TOGARAM1: variants seen among roughly 807,000 people sequenced by gnomAD.
The protein encoded by TOGARAM1 is TOG array regulator of axonemal microtubules protein 1.
A neutral mutation model predicts 166.6 loss-of-function variants in TOGARAM1; 100 were observed. The observed-to-expected ratio is 0.60, with a 90% CI of 0.51 to 0.71. TOGARAM1 has a LOEUF of 0.71. Ranked by LOEUF, TOGARAM1 falls within the 30% of genes least tolerant of loss-of-function variation. The probability of loss-of-function intolerance (pLI) is 0.00; values close to 1 mark genes in which losing one functional copy is unlikely to be tolerated. For missense variants in TOGARAM1, 2,029 were observed against 2,102.7 expected, an observed-to-expected ratio of 0.96 and a Z score of 0.69; for synonymous variants, 758 against 763.8, an observed-to-expected ratio of 0.99 and a Z score of 0.13.
intron 16 of TOGARAM1, among the ~76,000 whole-genome samples, chr14:45,060,188 G>A (rs906237238): frequency 4.7e-5 from 7 of 148,086 alleles, no homozygotes; most frequent in Admixed American, 4.1e-4. Flanking sequence ...AAAGTGCTGG[G>A]ATTACAGGCA....
At chr14:44,985,790 A>G (rs1030832940) in intron 1 of TOGARAM1, among the ~76,000 whole-genome samples, 5 of 152,220 alleles carry the variant, frequency 3.3e-5, no homozygotes, top group African/African-American at 9.7e-5. Context: ...TGGTTATTCT[A>G]TGATGTATAA....
At chr14:45,015,058 C>T (rs138311939) in intron 7 of TOGARAM1, among the ~76,000 whole-genome samples, 1 of 152,170 alleles carries the variant, frequency 6.6e-6, no homozygotes, top group East Asian at 1.9e-4. Context: ...AATCCCAGCA[C>T]TTTGGGAGGC....
At chr14:45,015,423 A>G (rs1042436635) in intron 7 of TOGARAM1, among the ~76,000 whole-genome samples, 1 of 151,504 alleles carries the variant, frequency 6.6e-6, no homozygotes, top group Non-Finnish European at 1.5e-5. Flanking sequence ...AAAATGGACA[A>G]TGACTCAAAT....
At chr14:45,046,442 C>CA (rs1882070490) in intron 13 of TOGARAM1, 103 bp from the exon 14 acceptor site, 1 of 1,105,510 alleles carries the variant, frequency 9.0e-7, no homozygotes, top group East Asian at 3.2e-5. Context: ...TCCCAAAAAA[C>CA]AAAACCAAAA....
intron 7 of TOGARAM1, among the ~76,000 whole-genome samples, chr14:45,020,704 G>A (rs1371747605): frequency 6.6e-6 from 1 of 152,214 alleles, no homozygotes; most frequent in African/African-American, 2.4e-5. Flanking sequence ...ATATTCCTGA[G>A]GGTAGGCAGA....
In TOGARAM1 at chr14:45,071,751, A is replaced by G. The variant is rs368471566; in HGVS notation, c.5009A>G (p.Gln1670Arg). ...CTACAGCCATTTTGCACAAAAGCTCAGTTTTTAAATGGAAAAGCAAAACAG... is the reference window on the plus strand; with the variant it reads ...CTACAGCCATTTTGCACAAAAGCTCGGTTTTTAAATGGAAAAGCAAAACAG... ...LLLQPFCTKA[Q>R]FLNGKAKQDM... The change falls in exon 19 of 20, where the codon CAG (glutamine) becomes CGG (arginine). Residue 1670 changes from glutamine to arginine, a missense_variant. Coordinates refer to ENST00000361462, the MANE Select transcript of TOGARAM1 (RefSeq NM_001308120.2). 1.2e-6 allele frequency: 2 copies of G among 1,612,380 alleles called. No individual in the cohort carries two copies. Among genetic ancestry groups the G allele is most frequent in the East Asian group, 2.2e-5 (1 of 44,808 alleles).
intron 1 of TOGARAM1, among the ~76,000 whole-genome samples, chr14:44,976,726 G>GACCA (rs1359182939): frequency 6.6e-6 from 1 of 152,064 alleles, no homozygotes; most frequent in Non-Finnish European, 1.5e-5. Context: ...TAGTCAATAA[G>GACCA]ACCAGCACAT....
At chr14:45,014,387 A>G (rs762963136) in intron 7 of TOGARAM1, among the ~76,000 whole-genome samples, 1 of 152,164 alleles carries the variant, frequency 6.6e-6, no homozygotes, top group Non-Finnish European at 1.5e-5. Flanking sequence ...CTTTCTGGTT[A>G]GAAATCTGTA....
chr14:44,987,200 A>C (rs915734173), intron 1 of TOGARAM1, among the ~76,000 whole-genome samples: 2 of 151,758 alleles, frequency 1.3e-5, no homozygotes, highest in African/African-American at 4.8e-5. Flanking sequence ...CGGCCTCCCA[A>C]AGTGCTGGGA....
In TOGARAM1 at chr14:45,004,329, C is replaced by T. The variant is rs759371161; in HGVS notation, c.2607C>T (p.Val869=). The T allele has an allele frequency of 6.2e-7, 1 of 1,613,862 alleles. No homozygotes were observed. The highest frequency in any genetic ancestry group is 1.1e-5 in the South Asian group (1 of 91,056). The part of the protein sequence containing the change: ...LSKPSPQKKL[V]SQKSSDPTGR... ...AGCCAAGTCCACAGAAGAAGCTTGT[C>T]AGCCAAAAATCGTCTGATCCTACGG... The change falls in exon 4 of 20, where the codon GTC becomes GTT. Residue 869 remains valine, a synonymous_variant. Coordinates refer to ENST00000361462, the MANE Select transcript of TOGARAM1 (RefSeq NM_001308120.2).
chr14:45,015,344 A>AT (rs1880064606), intron 7 of TOGARAM1, among the ~76,000 whole-genome samples: 1 of 146,948 alleles, frequency 6.8e-6, no homozygotes, highest in African/African-American at 2.6e-5. Context: ...ATAAATAAAT[A>AT]AATAAATATA....
intron 12 of TOGARAM1, 22 bp downstream of exon 12, chr14:45,043,813 G>A: frequency 7.7e-7 from 1 of 1,295,474 alleles, no homozygotes; most frequent in Admixed American, 1.7e-5. Flanking sequence ...TTTCAGATGA[G>A]TTAAGGATTG....
intron 12 of TOGARAM1, 107 bp from the exon 13 acceptor site, chr14:45,044,528 G>A (rs1036382204): frequency 1.2e-5 from 9 of 735,582 alleles, no homozygotes; most frequent in Non-Finnish European, 1.9e-5. Context: ...TCGACAGAGC[G>A]AGACCCTAAC....
chr14:45,019,132 ACCATTTTC>A (rs1469026540), intron 7 of TOGARAM1, among the ~76,000 whole-genome samples: 4 of 152,190 alleles, frequency 2.6e-5, no homozygotes, highest in Non-Finnish European at 5.9e-5. Context: ...TGGTAGCATT[ACCATTTTC>A]CCAGTTATGG....
At chr14:45,057,847 T>TAA in intron 16 of TOGARAM1, among the ~76,000 whole-genome samples, 1 of 152,332 alleles carries the variant, frequency 6.6e-6, no homozygotes, top group Admixed American at 6.5e-5. Flanking sequence ...TGGGACTTAT[T>TAA]ATGTGACCTA....
intron 1 of TOGARAM1, among the ~76,000 whole-genome samples, chr14:44,993,992 C>G (rs1887282277): frequency 6.6e-6 from 1 of 152,190 alleles, no homozygotes; most frequent in Non-Finnish European, 1.5e-5. Context: ...CAGAAGTTGA[C>G]TATAATTGGT....
At chr14:45,010,782 A>T (rs1879741181) in intron 6 of TOGARAM1, among the ~76,000 whole-genome samples, 1 of 152,156 alleles carries the variant, frequency 6.6e-6, no homozygotes, top group African/African-American at 2.4e-5. Flanking sequence ...CTACTACCTG[A>T]TTTAAAGATT....
At chr14:45,051,061 A>G (rs577251974) in intron 14 of TOGARAM1, among the ~76,000 whole-genome samples, 1 of 152,342 alleles carries the variant, frequency 6.6e-6, no homozygotes, top group East Asian at 1.9e-4. Flanking sequence ...AAATATCTCC[A>G]GTATGCACTT....
At chr14:45,016,182 G>A (rs902376512) in intron 7 of TOGARAM1, among the ~76,000 whole-genome samples, 11 of 152,220 alleles carry the variant, frequency 7.2e-5, no homozygotes, top group Admixed American at 7.2e-4. Context: ...GATCACTTGA[G>A]CTCAGGGGTT....
Sources: gnomAD v4.1 joint callset for allele counts (sites outside exome capture counted in the v4.1 genomes callset) on GRCh38, gnomAD v4.1.1 for gene constraint, MANE v1.5 for transcripts, NCBI Gene and HGNC (gene_info 2026-07-23, HGNC 2026-07-21) for gene names.